CASP6: variants seen among roughly 807,000 people sequenced by gnomAD.
The protein encoded by CASP6 is caspase 6, also known as caspase-6.
Under a neutral mutation model 31.8 loss-of-function variants are expected in CASP6, and 20 were observed. The observed-to-expected ratio is 0.63, with a 90% CI of 0.44 to 0.91. The LOEUF (loss-of-function observed/expected upper bound fraction) is 0.91. CASP6 is among the 40% of genes least tolerant of loss of function. CASP6 has a pLI of 0.00. For missense variants in CASP6, 328 were observed against 361.1 expected (o/e 0.91, Z 0.74); for synonymous variants, 130 against 127.8 (o/e 1.02, Z -0.12).
At chr4:109,687,565 A>G (rs147859331), downstream of CASP6, 10 of 1,611,432 alleles carry the variant, frequency 6.2e-6, no homozygotes, top group African/African-American at 4.0e-5. Context: ...TGCAAATGCA[A>G]GTAGAAGAAC....
At chr4:109,708,211 C>T (rs1269804686), upstream of CASP6, among the ~76,000 whole-genome samples, 1 of 152,156 alleles carries the variant, frequency 6.6e-6, no homozygotes, top group African/African-American at 2.4e-5. Flanking sequence ...TTTACTCAAA[C>T]CATTTACTGT....
chr4:109,705,698 T>C (rs980038073), upstream of CASP6, among the ~76,000 whole-genome samples: 3 of 151,648 alleles, frequency 2.0e-5, no homozygotes, highest in African/African-American at 7.3e-5. Context: ...AGTACATGTA[T>C]CAGCCACAGT....
At chr4:109,691,290 T>C (rs1297720537) in intron 5 of CASP6, among the ~76,000 whole-genome samples, 2 of 152,224 alleles carry the variant, frequency 1.3e-5, no homozygotes, top group Admixed American at 6.5e-5. Context: ...AAAAAGCTTG[T>C]GGTTTTAAAA....
At chr4:109,694,798 C>T (rs1250069854) in intron 4 of CASP6, 98 bp from the exon 5 acceptor site, 2 of 1,181,792 alleles carry the variant, frequency 1.7e-6, no homozygotes, top group Non-Finnish European at 2.3e-6. Context: ...AAGTTACATC[C>T]ACATGATTGG....
At chr4:109,670,732 G>A in the CASP6 span, among the ~76,000 whole-genome samples, 3 of 150,376 alleles carry the variant, frequency 2.0e-5, no homozygotes, top group South Asian at 6.4e-4. Flanking sequence ...AAAAAAAAAA[G>A]AAAAAGAAAA....
At chr4:109,704,742 GCTTT>G (rs1730546291), upstream of CASP6, among the ~76,000 whole-genome samples, 2 of 152,196 alleles carry the variant, frequency 1.3e-5, no homozygotes, top group South Asian at 4.1e-4. Flanking sequence ...AGACAGTCTT[GCTTT>G]GTCACCAAGG....
intron 1 of CASP6, 105 bp downstream of exon 1, chr4:109,703,251 G>T: frequency 2.3e-6 from 3 of 1,321,580 alleles, no homozygotes; most frequent in Non-Finnish European, 3.1e-6. Context: ...GAAGGAACCC[G>T]CGGCCCCACT....
upstream of CASP6, among the ~76,000 whole-genome samples, chr4:109,705,053 G>C (rs1307239511): frequency 6.6e-6 from 1 of 152,170 alleles, no homozygotes; most frequent in Non-Finnish European, 1.5e-5. Flanking sequence ...ATTGGAAGAA[G>C]ATTCCATCTA....
intron 4 of CASP6, among the ~76,000 whole-genome samples, chr4:109,695,601 C>G (rs1321225562): frequency 6.6e-6 from 1 of 152,002 alleles, no homozygotes; most frequent in African/African-American, 2.4e-5. Context: ...ACTAAAAATA[C>G]AAAAATTAGC....
chr4:109,693,825 G>T (rs1000311001), intron 5 of CASP6, among the ~76,000 whole-genome samples: 1 of 150,494 alleles, frequency 6.6e-6, no homozygotes, highest in Non-Finnish European at 1.5e-5. Flanking sequence ...TACAGCCTCT[G>T]CCTCCCAGGT....
intron 5 of CASP6, among the ~76,000 whole-genome samples, chr4:109,692,936 C>A (rs1730121948): frequency 6.6e-6 from 1 of 152,202 alleles, no homozygotes; most frequent in Non-Finnish European, 1.5e-5. Context: ...CCCTCCAAAT[C>A]TCATGTTAAA....
chr4:109,698,176 G>T (rs1730310080), intron 2 of CASP6, 124 bp downstream of exon 2: 1 of 998,022 alleles, frequency 1.0e-6, no homozygotes. Context: ...GCTCCCCAAA[G>T]GCTAAAACTT....
At chr4:109,685,006 CCTT>C, downstream of CASP6, 1 of 399,524 alleles carries the variant, frequency 2.5e-6, no homozygotes, top group South Asian at 6.1e-5. Context: ...CTTATTTCTT[CCTT>C]CTTCTTTCCC....
At chr4:109,695,302 C>T (rs1398744864) in intron 4 of CASP6, among the ~76,000 whole-genome samples, 1 of 152,038 alleles carries the variant, frequency 6.6e-6, no homozygotes, top group Non-Finnish European at 1.5e-5. Flanking sequence ...ATGTGGAAAA[C>T]ATAAAGGGAT....
At chr4:109,685,510 G>A (rs533192833), downstream of CASP6, 20 of 473,756 alleles carry the variant, frequency 4.2e-5, no homozygotes, top group South Asian at 1.4e-4. Flanking sequence ...TGAAATGGTT[G>A]ACATATTTCA....
the CASP6 span, among the ~76,000 whole-genome samples, chr4:109,669,198 T>C: frequency 6.6e-6 from 1 of 152,212 alleles, no homozygotes; most frequent in Non-Finnish European, 1.5e-5. Context: ...TTAATATTTC[T>C]TGCAAGGCAG....
intron 5 of CASP6, 86 bp downstream of exon 5, chr4:109,694,439 T>C: frequency 8.0e-7 from 1 of 1,247,816 alleles, no homozygotes. Flanking sequence ...CTGGAGAAAG[T>C]TACTTTCAAA....
the CASP6 span, among the ~76,000 whole-genome samples, chr4:109,671,452 T>A: frequency 2.0e-4 from 31 of 152,292 alleles, no homozygotes; most frequent in African/African-American, 7.5e-4. Flanking sequence ...TTTGAGAAAG[T>A]TTCTGTTGGC....
chr4:109,694,732 G>A, intron 4 of CASP6, 32 bp from the exon 5 acceptor site: 1 of 1,454,816 alleles, frequency 6.9e-7, no homozygotes, highest in South Asian at 1.5e-5. Flanking sequence ...ATATAGAAAT[G>A]AAAATATGAT....
Sources: gnomAD v4.1 joint callset for allele counts (sites outside exome capture counted in the v4.1 genomes callset) on GRCh38, gnomAD v4.1.1 for gene constraint, MANE v1.5 for transcripts, NCBI Gene and HGNC (gene_info 2026-07-23, HGNC 2026-07-21) for gene names.